The following DRC1 variants were observed in gnomAD, a reference collection of about 807,000 sequenced individuals.
DRC1 encodes dynein regulatory complex subunit 1.
DRC1 carries 74 observed loss-of-function variants against 98.7 expected under a neutral mutation model. That is an observed-to-expected ratio of 0.75 (90% confidence interval 0.62 to 0.91). The LOEUF is 0.91. Ranked by LOEUF, DRC1 falls within the 40% of genes least tolerant of loss-of-function variation. The pLI, the probability that DRC1 is intolerant of heterozygous loss-of-function variation, is 0.00. For missense variants in DRC1, 875 were observed against 886.0 expected (o/e 0.99, Z 0.16); for synonymous variants, 336 against 334.1 (o/e 1.01, Z -0.06).
chr2:26,428,391 A>C (rs1000324442), intron 4 of DRC1, among the ~76,000 whole-genome samples: 1 of 152,232 alleles, frequency 6.6e-6, no homozygotes, highest in Non-Finnish European at 1.5e-5. Flanking sequence ...ATATGATATA[A>C]CTAATTGCTC....
intron 13 of DRC1, 124 bp downstream of exon 13, chr2:26,450,805 G>A: frequency 1.4e-6 from 1 of 711,186 alleles, no homozygotes. Flanking sequence ...AGGTATACAT[G>A]TGCTCTGGTG....
Position 26,455,334 on chromosome 2 carries a change from G to T in DRC1, c.2166+101G>T, listed in dbSNP as rs1455824964. 5.5e-6 allele frequency: 6 copies of T among 1,090,080 alleles called. No homozygotes were observed. The African/African-American group carries it at 9.5e-5, about 17-fold the overall frequency. The allele number at this position is 1,090,080 out of a possible 1,614,324, so 67.5% of individuals were successfully genotyped here. On this transcript the variant is annotated intron_variant, in intron 16 of 16. Transcript: ENST00000288710. ...AACGAGGAGTCCCCTCCCCGTCAGAGGCAAGGGAGCTTTGTGATATGATGT... is the reference window on the plus strand; with the variant it reads ...AACGAGGAGTCCCCTCCCCGTCAGATGCAAGGGAGCTTTGTGATATGATGT...
rs749365742 is a variant in DRC1, at chr2:26,421,408, C to T, written c.356+8C>T. On this transcript the variant is annotated splice_region_variant and intron_variant, in intron 3 of 16. Transcript: ENST00000288710. ...GGAGATAAAGCGTCAAAGGTAAGGA[C>T]TGTGCTACTCTGCAGCTGGTGGACA... 1.7e-5 allele frequency: 27 copies of T among 1,608,778 alleles called. No individual in the cohort carries two copies. The highest frequency in any genetic ancestry group is 2.0e-5 in the Non-Finnish European group (24 of 1,176,156).
intron 8 of DRC1, among the ~76,000 whole-genome samples, chr2:26,443,670 A>G (rs1287583159): frequency 6.6e-6 from 1 of 152,196 alleles, no homozygotes; most frequent in Non-Finnish European, 1.5e-5. Context: ...CAAAAGTGGC[A>G]TTTCATGTTT....
At chr2:26,430,467 T>G in intron 5 of DRC1, 1 of 498,248 alleles carries the variant, frequency 2.0e-6, no homozygotes, top group South Asian at 1.6e-5. Flanking sequence ...ACAGTTGAAT[T>G]ACACACCATG....
chr2:26,436,319 A>T (rs1390928327), intron 7 of DRC1, among the ~76,000 whole-genome samples: 2 of 151,458 alleles, frequency 1.3e-5, no homozygotes, highest in African/African-American at 2.4e-5. Context: ...CCTGCCCTTT[A>T]TTTTTTGGAG....
Position 26,454,654 on chromosome 2 carries a change from C to T in DRC1, c.1927C>T (p.Arg643Trp), listed in dbSNP as rs1249608628. 5.0e-6 allele frequency: 8 copies of T among 1,613,886 alleles called. No individual in the cohort carries two copies. Among genetic ancestry groups the T allele is most frequent in the South Asian group, 1.1e-5 (1 of 91,080 alleles). ...TGTGCTCTTGGCCTTCAGGGACTCGCGGGCCCCGCTGAGGGTACAGAAGAA... is the reference window on the plus strand; with the variant it reads ...TGTGCTCTTGGCCTTCAGGGACTCGTGGGCCCCGCTGAGGGTACAGAAGAA... ...VMGLKKPRDS[R>W]APLRVQKNVR... Residue 643 changes from arginine (R) to tryptophan (W), a missense_variant, in exon 15 of 17, where the codon CGG becomes TGG. By Grantham distance (101) the Arg-to-Trp change is moderately radical (BLOSUM62 -3). Transcript: ENST00000288710. This position sits in a 1 kb window ranked among gnomAD's most constrained non-coding sequence, Gnocchi z 5.2.
chr2:26,404,306 C>T (rs978067774), intron 1 of DRC1, among the ~76,000 whole-genome samples: 11 of 152,042 alleles, frequency 7.2e-5, no homozygotes, highest in African/African-American at 2.2e-4. Flanking sequence ...TGAGTGTGAC[C>T]GACTTGTGAG....
chr2:26,447,065 G>A (rs1418084077), intron 10 of DRC1, among the ~76,000 whole-genome samples: 1 of 150,930 alleles, frequency 6.6e-6, no homozygotes, highest in African/African-American at 2.4e-5. Flanking sequence ...ACTCCAGGAT[G>A]AGCAACAGAG....
chr2:26,441,527 A>C (rs1292243271), intron 8 of DRC1, among the ~76,000 whole-genome samples: 1 of 152,190 alleles, frequency 6.6e-6, no homozygotes, highest in African/African-American at 2.4e-5. Flanking sequence ...AGAAAGGCAC[A>C]CATCAATACA....
At chr2:26,423,984 C>T (rs1292672467) in intron 3 of DRC1, among the ~76,000 whole-genome samples, 1 of 152,100 alleles carries the variant, frequency 6.6e-6, no homozygotes, top group South Asian at 2.1e-4. Context: ...GGTGACCAAT[C>T]GATCTTGGTG....
At chr2:26,444,467 C>A in intron 9 of DRC1, 111 bp downstream of exon 9, 1 of 1,419,796 alleles carries the variant, frequency 7.0e-7, no homozygotes, top group Non-Finnish European at 9.5e-7. Flanking sequence ...TATTCTGGGG[C>A]TGGACCAGGC....
intron 10 of DRC1, among the ~76,000 whole-genome samples, chr2:26,447,546 T>A (rs191463706): frequency 6.6e-6 from 1 of 152,264 alleles, no homozygotes; most frequent in African/African-American, 2.4e-5. Context: ...TTTTACAATT[T>A]AATTATGTTT....
At chr2:26,410,155 T>A (rs904225305) in intron 1 of DRC1, among the ~76,000 whole-genome samples, 2 of 147,286 alleles carry the variant, frequency 1.4e-5, no homozygotes, top group East Asian at 4.0e-4. Flanking sequence ...ATTATAGAAA[T>A]AGAAAACATT....
chr2:26,407,766 C>T (rs1678472590), intron 1 of DRC1, among the ~76,000 whole-genome samples: 1 of 152,096 alleles, frequency 6.6e-6, no homozygotes, highest in African/African-American at 2.4e-5. Flanking sequence ...TTCCCTGAGA[C>T]TGCACAGATC....
At chr2:26,420,017 G>A (rs1663084173) in intron 2 of DRC1, among the ~76,000 whole-genome samples, 1 of 152,148 alleles carries the variant, frequency 6.6e-6, no homozygotes, top group African/African-American at 2.4e-5. Context: ...CAACAGTTCC[G>A]AGTATAAGTA....
intron 1 of DRC1, among the ~76,000 whole-genome samples, chr2:26,408,252 A>G (rs893226860): frequency 6.6e-6 from 1 of 152,130 alleles, no homozygotes; most frequent in African/African-American, 2.4e-5. Flanking sequence ...GTTTGGAGAA[A>G]GTCAAGCGGA....
At chr2:26,427,993 T>C (rs1223000587) in intron 4 of DRC1, among the ~76,000 whole-genome samples, 4 of 152,200 alleles carry the variant, frequency 2.6e-5, no homozygotes, top group African/African-American at 9.6e-5. Flanking sequence ...GACACTTAGG[T>C]TGATTCCAAT....
chr2:26,421,438 G>A, intron 3 of DRC1, 38 bp downstream of exon 3: 3 of 1,579,026 alleles, frequency 1.9e-6, no homozygotes, highest in Non-Finnish European at 2.6e-6. Flanking sequence ...TGGACATGAA[G>A]GTAATCTCCA....
Sources: allele counts gnomAD v4.1 joint callset (sites outside exome capture counted in the v4.1 genomes callset), GRCh38; gene constraint gnomAD v4.1.1; non-coding constraint Gnocchi (gnomAD v3.1); transcripts MANE v1.5; gene names NCBI Gene and HGNC (gene_info 2026-07-23, HGNC 2026-07-21).